The following OR2T6 variants were observed in gnomAD, a reference collection of about 807,000 sequenced individuals.
OR2T6 encodes the protein olfactory receptor family 2 subfamily T member 6.
For missense variants in OR2T6, 424 were observed against 391.6 expected (o/e 1.08, Z -0.70); for synonymous variants, 174 against 148.0 (o/e 1.18, Z -1.27).
In OR2T6 at chr1:248,390,100, G is replaced by T. The variant is rs561620503; in HGVS notation, c.*1565G>T. 1 of 152,246 alleles carries T rather than the reference G, an allele frequency of 6.6e-6. No individual in the cohort carries two copies. The highest frequency in any genetic ancestry group is 2.1e-4 in the South Asian group (1 of 4,824). The allele number at this position is 152,246 out of a possible 1,614,324, so 9.4% of individuals were successfully genotyped here. A position where few individuals can be genotyped will look rare whatever the true frequency, so the allele number is the denominator to read the frequency against. ...GTGTGCTTGTTTGAGTCCTTATCTG[G>T]TTGGATACAGTCTTTTATTTTTTAA... is the stretch of plus-strand genomic sequence containing the variant. On this transcript the variant is annotated 3_prime_UTR_variant, in exon 3 of 3. Transcript: ENST00000641644.
intron 1 of OR2T6, among the ~76,000 whole-genome samples, chr1:248,383,093 A>ATCCTG (rs1661068928): frequency 2.7e-3 from 248 of 90,926 alleles, no homozygotes; most frequent in Non-Finnish European, 3.9e-3. Flanking sequence ...ATCCTATCCT[A>ATCCTG]ATGTGTTTCC....
In OR2T6 at chr1:248,390,218, C is replaced by G. The variant is rs1661225250; in HGVS notation, c.*1683C>G. On this transcript the variant is annotated 3_prime_UTR_variant, in exon 3 of 3. Coordinates refer to ENST00000641644, the MANE Select transcript of OR2T6 (RefSeq NM_001005471.2). ...TTTTCTAAGATGGAGTTGGCTACGT[C>G]AAGGGTGTTCTATACACTTAGTATG... 1 of 152,150 alleles carries G rather than the reference C, an allele frequency of 6.6e-6. No individual in the cohort carries two copies. Among genetic ancestry groups the G allele is most frequent in the African/African-American group, 2.4e-5 (1 of 41,440 alleles). The allele number at this position is 152,150 out of a possible 1,614,324, so 9.4% of individuals were successfully genotyped here. A position where few individuals can be genotyped will look rare whatever the true frequency, so the allele number is the denominator to read the frequency against.
intron 1 of OR2T6, among the ~76,000 whole-genome samples, chr1:248,384,158 C>T (rs1308826023): frequency 1.6e-5 from 1 of 61,408 alleles, no homozygotes; most frequent in Non-Finnish European, 3.0e-5. Context: ...ACTGCACTAG[C>T]CTGAGTGTGC....
chr1:248,387,459 C>T (rs1661153012), intron 2 of OR2T6, 146 bp from the exon 3 acceptor site: 1 of 458,406 alleles, frequency 2.2e-6, no homozygotes, highest in East Asian at 3.1e-5. Flanking sequence ...AAGGAAGCTA[C>T]AAATCTACCA....
chr1:248,384,133 T>C (rs551220105), intron 1 of OR2T6, among the ~76,000 whole-genome samples: 35 of 40,150 alleles, frequency 8.7e-4, no homozygotes, highest in African/African-American at 8.3e-3. Context: ...CTAGTGTTAT[T>C]GTCATGGGTA....
chr1:248,383,360 A>C (rs61832915), intron 1 of OR2T6, among the ~76,000 whole-genome samples: 526 of 14,402 alleles, frequency 0.037, 3 homozygotes, highest in South Asian at 0.056. Flanking sequence ...TGCTCATCCT[A>C]TCCTGATGTG....
rs7417616 is a variant in OR2T6 at position 248,387,669 on chromosome 1, A to G, written c.61A>G (p.Asn21Asp). ...TACCCTCATGGGGCTCTTCACTCAC[A>G]ATAAATGCTCAGGATTCTTTTTCGG... ...GFTLMGLFTH[N>D]KCSGFFFGVI... The change falls in exon 3 of 3, where the codon AAT becomes GAT. Residue 21 changes from asparagine to aspartate, a missense_variant. Physicochemically the swap from Asn to Asp is conservative, Grantham distance 23. Transcript: ENST00000641644. 310,554 of 1,612,420 alleles carry G rather than the reference A, an allele frequency of 0.19. 36,802 individuals carry two copies. The highest frequency in any genetic ancestry group is 0.47 in the African/African-American group (34,999 of 74,834).
intron 1 of OR2T6, among the ~76,000 whole-genome samples, chr1:248,377,393 A>G (rs1304931445): frequency 6.6e-6 from 1 of 152,250 alleles, no homozygotes; most frequent in African/African-American, 2.4e-5. Flanking sequence ...ATTGATGTAT[A>G]GACCACCTAA....
chr1:248,380,936 C>T (rs1023742245), intron 1 of OR2T6, among the ~76,000 whole-genome samples: 4 of 151,720 alleles, frequency 2.6e-5, no homozygotes, highest in African/African-American at 9.7e-5. Context: ...TATGTCATTC[C>T]TTTTTGCATT....
chr1:248,378,894 T>C lies in OR2T6; in HGVS notation c.-159+2840T>C, dbSNP rs548731723. Reference sequence around the variant, plus strand: ...ATTATATAGAAATTTTTTTTGTGTCTGGGTGCGGTAGCTCATGTCTGTAAT... The same window carrying C: ...ATTATATAGAAATTTTTTTTGTGTCCGGGTGCGGTAGCTCATGTCTGTAAT... On this transcript the variant is annotated intron_variant, in intron 1 of 2. Coordinates refer to ENST00000641644, the MANE Select transcript of OR2T6 (RefSeq NM_001005471.2). Among the ~76,000 whole-genome samples, 49 of 152,304 alleles carry C rather than the reference T, an allele frequency of 3.2e-4. No homozygotes were observed. In the South Asian group the frequency reaches 9.1e-3, roughly 28 times the overall value.
At chr1:248,382,137 C>A (rs1661045067) in intron 1 of OR2T6, among the ~76,000 whole-genome samples, 1 of 104,378 alleles carries the variant, frequency 9.6e-6, no homozygotes, top group South Asian at 2.6e-4. Flanking sequence ...ATTCTGGCTC[C>A]AGAGCTCTCT....
intron 1 of OR2T6, among the ~76,000 whole-genome samples, chr1:248,379,267 C>A (rs536976442): frequency 1.9e-4 from 29 of 152,260 alleles, no homozygotes; most frequent in South Asian, 6.2e-4. Context: ...GGGCATTTGA[C>A]ATTGTTATTA....
chr1:248,390,641 A>G lies in OR2T6; in HGVS notation c.*2106A>G, dbSNP rs927081140. On this transcript the variant is annotated 3_prime_UTR_variant, in exon 3 of 3. Coordinates refer to ENST00000641644, the MANE Select transcript of OR2T6 (RefSeq NM_001005471.2). ...CCGAGGCTCTTCAGCTGGAGGCTCA[A>G]CATCTCCTCAATCTTGTCAGACTGT... is the stretch of plus-strand genomic sequence containing the variant. The G allele has an allele frequency of 6.6e-6, 1 of 152,210 alleles. No individual in the cohort carries two copies. Among genetic ancestry groups the G allele is most frequent in the African/African-American group, 2.4e-5 (1 of 41,454 alleles). 9.4% of individuals were successfully genotyped at this position (152,210 alleles called of 1,614,324 possible). A position where few individuals can be genotyped will look rare whatever the true frequency, so the allele number is the denominator to read the frequency against.
rs1449877552 is a variant in OR2T6, at chr1:248,391,711, G to C, written c.*3176G>C. 1 of 152,156 alleles carries C rather than the reference G, an allele frequency of 6.6e-6. No homozygotes were observed. Among genetic ancestry groups the C allele is most frequent in the Non-Finnish European group, 1.5e-5 (1 of 68,020 alleles). 9.4% of individuals were successfully genotyped at this position (152,156 alleles called of 1,614,324 possible). A position where few individuals can be genotyped will look rare whatever the true frequency, so the allele number is the denominator to read the frequency against. On this transcript the variant is annotated 3_prime_UTR_variant, in exon 3 of 3. Coordinates refer to ENST00000641644, the MANE Select transcript of OR2T6 (RefSeq NM_001005471.2). ...TGCCAGATGTTAACAATAGGGAAAAGAGAGGGGATATATAAAAACTTTCTG... is the reference window on the plus strand; with the variant it reads ...TGCCAGATGTTAACAATAGGGAAAACAGAGGGGATATATAAAAACTTTCTG...
chr1:248,385,016 G>A (rs919831638), intron 2 of OR2T6, among the ~76,000 whole-genome samples, 152 bp downstream of exon 2: 1 of 152,204 alleles, frequency 6.6e-6, no homozygotes. Flanking sequence ...TCACTGTGCT[G>A]AGAACACTCC....
chr1:248,384,619 A>T (rs1661102592), intron 1 of OR2T6, 92 bp from the exon 2 acceptor site: 1 of 103,056 alleles, frequency 9.7e-6, no homozygotes, highest in Non-Finnish European at 2.4e-5. Context: ...CATCATGGAG[A>T]AAGCACTGCA....
chr1:248,376,464 G>A (rs1229162860), intron 1 of OR2T6, among the ~76,000 whole-genome samples: 2 of 152,148 alleles, frequency 1.3e-5, no homozygotes, highest in Non-Finnish European at 2.9e-5. Flanking sequence ...AACTGTTCCT[G>A]AATACTGTCA....
chr1:248,380,807 C>T (rs1451670584), intron 1 of OR2T6, among the ~76,000 whole-genome samples: 1 of 150,236 alleles, frequency 6.7e-6, no homozygotes, highest in South Asian at 2.1e-4. Context: ...AAGAGATTGT[C>T]CTATGGAAGC....
chr1:248,388,051 C>T lies in OR2T6; in HGVS notation c.443C>T (p.Ser148Phe), dbSNP rs1176107240. The T allele has an allele frequency of 1.2e-6, 2 of 1,613,936 alleles. No individual in the cohort carries two copies. The highest frequency in any genetic ancestry group is 1.7e-6 in the Non-Finnish European group (2 of 1,179,998). ...WRVCWMILAS[S>F]WFGGALDSFL... ...GTCTGCTGGATGATCCTGGCCAGCT[C>T]TTGGTTCGGTGGGGCTTTGGACAGT... Residue 148 changes from serine to phenylalanine, a missense_variant, in exon 3 of 3, where the codon TCT becomes TTT. Coordinates refer to ENST00000641644, the MANE Select transcript of OR2T6 (RefSeq NM_001005471.2).
Sources: allele counts gnomAD v4.1 joint callset (sites outside exome capture counted in the v4.1 genomes callset), GRCh38; gene constraint gnomAD v4.1.1; transcripts MANE v1.5; gene names NCBI Gene and HGNC (gene_info 2026-07-23, HGNC 2026-07-21).